The following TMEM181 variants were observed in gnomAD, a reference collection of about 807,000 sequenced individuals.
TMEM181 encodes the protein transmembrane protein 181.
In TMEM181, 39 loss-of-function variants were observed where a neutral mutation model predicts 71.9. The observed-to-expected ratio is 0.54, with a 90% CI of 0.42 to 0.71. TMEM181 has a LOEUF of 0.71. Among genes scored for constraint, TMEM181 ranks in the 30% least tolerant of loss-of-function variants. TMEM181 has a pLI of 0.00. For synonymous variants in TMEM181, 245 were observed against 228.8 expected (o/e 1.07, Z -0.64); for missense variants, 595 against 583.0 (o/e 1.02, Z -0.21).
chr6:158,609,746 G>A, intron 10 of TMEM181: 1 of 262,438 alleles, frequency 3.8e-6, no homozygotes, highest in South Asian at 5.4e-5. Flanking sequence ...ACGCAAAGTG[G>A]CCAGGGTGTG....
intron 1 of TMEM181, among the ~76,000 whole-genome samples, chr6:158,543,126 C>T (rs1378217155): frequency 1.3e-5 from 2 of 152,100 alleles, no homozygotes; most frequent in Admixed American, 6.5e-5. Flanking sequence ...CTGCTTGCCT[C>T]AGCCTCCCAA....
chr6:158,616,219 C>G (rs1785604339), intron 10 of TMEM181, among the ~76,000 whole-genome samples: 1 of 152,068 alleles, frequency 6.6e-6, no homozygotes, highest in African/African-American at 2.4e-5. Context: ...AAGTTGGATT[C>G]CTAGGTATTT....
chr6:158,544,329 T>C (rs1781456909), intron 1 of TMEM181, among the ~76,000 whole-genome samples: 1 of 152,024 alleles, frequency 6.6e-6, no homozygotes, highest in Admixed American at 6.6e-5. Context: ...GAAAGTCTAG[T>C]GTTCCAGGAA....
At chr6:158,567,520 G>C (rs1429777664) in intron 1 of TMEM181, among the ~76,000 whole-genome samples, 1 of 152,234 alleles carries the variant, frequency 6.6e-6, no homozygotes, top group African/African-American at 2.4e-5. Flanking sequence ...GATGGAGGGT[G>C]AGGGAACACT....
chr6:158,599,329 C>G (rs1319616254), intron 6 of TMEM181, among the ~76,000 whole-genome samples: 5 of 152,116 alleles, frequency 3.3e-5, no homozygotes, highest in Non-Finnish European at 7.4e-5. Flanking sequence ...GGTGTGGGCA[C>G]TTGTTCCAAA....
Position 158,552,311 on chromosome 6 carries a change from C to CT in TMEM181, c.131+15448dup, listed in dbSNP as rs565071443. Among the ~76,000 whole-genome samples, 878 of 152,284 alleles carry CT rather than the reference C, an allele frequency of 5.8e-3. 11 individuals carry two copies. Among genetic ancestry groups the CT allele is most frequent in the Non-Finnish European group, 8.4e-3 (574 of 68,026 alleles). ...ATTGCTTTTCCTTATGGGAAGCCCA[C>CT]TTAGATATCTTGGAAGTTGAACCTG... On this transcript the variant is annotated intron_variant, in intron 1 of 16. Transcript: ENST00000367090.
chr6:158,616,653 C>T (rs1428327188), intron 10 of TMEM181, among the ~76,000 whole-genome samples: 3 of 152,102 alleles, frequency 2.0e-5, no homozygotes, highest in Non-Finnish European at 4.4e-5. Context: ...TTTTGAGATA[C>T]GTCCCATCAA....
chr6:158,625,708 A>G lies in TMEM181; in HGVS notation c.1063A>G (p.Arg355Gly). The G allele has an allele frequency of 6.2e-7, 1 of 1,609,384 alleles. No homozygotes were observed. Among genetic ancestry groups the G allele is most frequent in the East Asian group, 2.2e-5 (1 of 44,876 alleles). ...TGAGTTTCTTTCTTTTTCAGATCTC[A>G]GGTTGAAATTTTTGACTGCATTGAC... is the stretch of plus-strand genomic sequence containing the variant. ...ELRHMPYVDL[R>G]LKFLTALTFV... Residue 355 changes from arginine (R) to glycine (G), a missense_variant, in exon 13 of 17, where the codon AGG becomes GGG. Physicochemically the swap from Arg to Gly is moderately radical, Grantham distance 125. Transcript: ENST00000684151.
chr6:158,562,831 CTTACATCCA>C (rs1782264413), intron 1 of TMEM181, among the ~76,000 whole-genome samples: 1 of 152,196 alleles, frequency 6.6e-6, no homozygotes, highest in Non-Finnish European at 1.5e-5. Context: ...TCGTAAGCAC[CTTACATCCA>C]TTGTTTCGTG....
rs528873342 is a variant in TMEM181, at chr6:158,570,487, C to T, written c.9-2933C>T. ...CGATCTCCTGACCTCGTGATCCGCC[C>T]GCCTTGGCCTCCCAAAGTGCTGGGA... On this transcript the variant is annotated intron_variant, in intron 1 of 16. Transcript: ENST00000684151. 1.8e-4 allele frequency among the ~76,000 whole-genome samples: 27 copies of T among 152,136 alleles called. No homozygotes were observed. In the South Asian group the frequency reaches 1.9e-3, roughly 11 times the overall value.
chr6:158,605,153 T>TGTGTGG, intron 6 of TMEM181, 114 bp from the exon 7 acceptor site: 1 of 608,588 alleles, frequency 1.6e-6, no homozygotes, highest in Non-Finnish European at 2.9e-6. Flanking sequence ...TGTGTGTGTG[T>TGTGTGG]GTGTGTATGT....
In TMEM181 at chr6:158,620,222, G is replaced by A. The variant is rs535960899; in HGVS notation, c.897-3328G>A. 6.6e-6 allele frequency among the ~76,000 whole-genome samples: 1 copy of A among 152,088 alleles called. No homozygotes were observed. Among genetic ancestry groups the A allele is most frequent in the South Asian group, 2.1e-4 (1 of 4,808 alleles). On this transcript the variant is annotated intron_variant, in intron 10 of 16. Coordinates refer to ENST00000684151, the MANE Select transcript of TMEM181 (RefSeq NM_001376852.1). The surrounding 1 kb of genome is among the most constrained non-coding windows in gnomAD (Gnocchi z 4.5). ...GGGCTGGTGAGAGGAGGCCCGGGGG[G>A]GTCTATTTTTATTAGGCATCCCCAG... is the stretch of plus-strand genomic sequence containing the variant.
intron 3 of TMEM181, among the ~76,000 whole-genome samples, chr6:158,581,448 C>T (rs762527186): frequency 6.6e-6 from 1 of 152,068 alleles, no homozygotes; most frequent in Non-Finnish European, 1.5e-5. Context: ...AATGAAAAAT[C>T]CTTTAAAAAA....
chr6:158,544,625 G>A (rs1278576450), intron 1 of TMEM181, among the ~76,000 whole-genome samples: 1 of 152,140 alleles, frequency 6.6e-6, no homozygotes, highest in Non-Finnish European at 1.5e-5. Context: ...GCAAACCCCT[G>A]AGCTCTTGCG....
chr6:158,624,876 G>A (rs949399842), intron 11 of TMEM181, among the ~76,000 whole-genome samples: 1 of 152,210 alleles, frequency 6.6e-6, no homozygotes, highest in African/African-American at 2.4e-5. Flanking sequence ...GCTCTGCTCC[G>A]CTGATTTGCA....
chr6:158,545,921 A>G (rs1218753046), intron 1 of TMEM181, among the ~76,000 whole-genome samples: 1 of 152,220 alleles, frequency 6.6e-6, no homozygotes, highest in Non-Finnish European at 1.5e-5. Context: ...TACATCCAGC[A>G]AAGTAATCTT....
chr6:158,562,060 C>T (rs1438737575), intron 1 of TMEM181, among the ~76,000 whole-genome samples: 2 of 152,018 alleles, frequency 1.3e-5, no homozygotes, highest in Non-Finnish European at 1.5e-5. Flanking sequence ...AGAACAGAGC[C>T]GCTTGGAGGA....
chr6:158,618,056 C>G (rs1785717891), intron 10 of TMEM181, among the ~76,000 whole-genome samples: 1 of 152,284 alleles, frequency 6.6e-6, no homozygotes, highest in Admixed American at 6.5e-5. Context: ...TCTTGTTGAT[C>G]TGTCTAATGT....
At chr6:158,545,039 A>T (rs933505760) in intron 1 of TMEM181, among the ~76,000 whole-genome samples, 2 of 152,212 alleles carry the variant, frequency 1.3e-5, no homozygotes, top group African/African-American at 4.8e-5. Context: ...GGCACCTTAG[A>T]GCCGCACAGG....
Sources: gnomAD v4.1 joint callset for allele counts (sites outside exome capture counted in the v4.1 genomes callset) on GRCh38, gnomAD v4.1.1 for gene constraint, Gnocchi (gnomAD v3.1) non-coding constraint, MANE v1.5 for transcripts, NCBI Gene and HGNC (gene_info 2026-07-23, HGNC 2026-07-21) for gene names.